LARGE1: variants seen among roughly 807,000 people sequenced by gnomAD.
The protein encoded by LARGE1 is LARGE xylosyl- and glucuronyltransferase 1.
In LARGE1, 43 loss-of-function variants were observed where a neutral mutation model predicts 87.6. The ratio of observed to expected loss-of-function variants is 0.49; its 90% confidence interval spans 0.38 to 0.63. LARGE1 has a LOEUF of 0.63. Among genes scored for constraint, LARGE1 ranks in the 30% least tolerant of loss-of-function variants. LARGE1 has a pLI of 0.00. For missense variants in LARGE1, 802 were observed against 1,000.2 expected, an observed-to-expected ratio of 0.80 and a Z score of 2.67; for synonymous variants, 434 against 394.6, an observed-to-expected ratio of 1.10 and a Z score of -1.18.
At position 33,671,936 on chromosome 22, in the gene LARGE1, A is replaced by C. The variant is rs150831441; in HGVS notation, c.107-21268T>G. ...AAGAATACTGACAATTCATCTCCTA[A>C]AACATTTTACATGAAGATGTTTTAC... On this transcript the variant is annotated intron_variant, in intron 2 of 14. Transcript: ENST00000397394. Among the ~76,000 whole-genome samples the C allele has an allele frequency of 1.9e-4, 29 of 152,268 alleles. No homozygotes were observed. The East Asian group carries it at 5.6e-3, about 29-fold the overall frequency.
At chr22:33,196,327 AT>A (rs993872450) in intron 11 of LARGE1, among the ~76,000 whole-genome samples, 1 of 152,162 alleles carries the variant, frequency 6.6e-6, no homozygotes, top group African/African-American at 2.4e-5. Context: ...ATCACTAAAG[AT>A]GCTGCAGACT....
intron 7 of LARGE1, among the ~76,000 whole-genome samples, chr22:33,411,005 T>C (rs919561753): frequency 1.3e-4 from 20 of 152,218 alleles, no homozygotes; most frequent in Non-Finnish European, 4.4e-5. Context: ...CCAGATTATT[T>C]TCCTTAAGTC....
At chr22:33,526,707 T>A (rs115970597) in intron 6 of LARGE1, among the ~76,000 whole-genome samples, 1 of 152,200 alleles carries the variant, frequency 6.6e-6, no homozygotes, top group Non-Finnish European at 1.5e-5. Context: ...CAGGGTAACT[T>A]TGATTTATTC....
chr22:33,244,275 A>G (rs1368599481), intron 11 of LARGE1, among the ~76,000 whole-genome samples: 7 of 151,992 alleles, frequency 4.6e-5, no homozygotes, highest in Non-Finnish European at 8.8e-5. Flanking sequence ...GATTACAGAC[A>G]TGAGCCACCG....
intron 2 of LARGE1, among the ~76,000 whole-genome samples, chr22:33,757,730 C>G (rs2145698781): frequency 6.6e-6 from 1 of 152,226 alleles, no homozygotes; most frequent in African/African-American, 2.4e-5. Context: ...GCAACTCTGC[C>G]CCTTATTTAT....
chr22:33,384,133 T>A lies in LARGE1; in HGVS notation c.1005+59A>T, dbSNP rs1024249623. The A allele has an allele frequency of 4.2e-6, 5 of 1,199,088 alleles. No individual in the cohort carries two copies. In the African/African-American group the frequency reaches 6.0e-5, roughly 14 times the overall value. 74.3% of individuals were successfully genotyped at this position (1,199,088 alleles called of 1,614,324 possible). A position where few individuals can be genotyped will look rare whatever the true frequency, so the allele number is the denominator to read the frequency against. ...CAGATCGATTTAATTTTAAGTTTCT[T>A]TGAGAAACAGCACCAAGCACACTCA... On this transcript the variant is annotated intron_variant, in intron 8 of 14. Coordinates refer to ENST00000397394, the MANE Select transcript of LARGE1 (RefSeq NM_133642.5).
chr22:33,678,222 G>T (rs576874507), intron 2 of LARGE1, among the ~76,000 whole-genome samples: 1 of 152,170 alleles, frequency 6.6e-6, no homozygotes. Flanking sequence ...TGTGGAAAGG[G>T]TTCTTATTTT....
intron 1 of LARGE1, among the ~76,000 whole-genome samples, chr22:33,909,523 T>G (rs200877151): frequency 1.3e-5 from 1 of 79,406 alleles, no homozygotes; most frequent in African/African-American, 6.2e-5. Context: ...TCTTCTTTTG[T>G]TTTTTTTTTT....
intron 1 of LARGE1, among the ~76,000 whole-genome samples, chr22:33,896,487 G>C (rs1235439610): frequency 6.6e-6 from 1 of 152,246 alleles, no homozygotes; most frequent in Non-Finnish European, 1.5e-5. Flanking sequence ...GGGCACATTT[G>C]AGGCCAAAGT....
chr22:33,891,733 T>C (rs982086860), intron 1 of LARGE1, among the ~76,000 whole-genome samples: 1 of 152,220 alleles, frequency 6.6e-6, no homozygotes, highest in Non-Finnish European at 1.5e-5. Flanking sequence ...CTGTAAATGT[T>C]GGCTATTATC....
chr22:33,838,343 T>C (rs191080615), intron 1 of LARGE1, among the ~76,000 whole-genome samples: 1 of 152,198 alleles, frequency 6.6e-6, no homozygotes, highest in East Asian at 1.9e-4. Flanking sequence ...TCAAAAAATG[T>C]GTTTTAAAAA....
At chr22:33,132,908 T>C in the LARGE1 span, among the ~76,000 whole-genome samples, 1 of 152,224 alleles carries the variant, frequency 6.6e-6, no homozygotes, top group Admixed American at 6.5e-5. Context: ...TTTTAGGCTC[T>C]GGTTATTGTG....
chr22:33,158,568 T>C (rs1236128529), downstream of LARGE1, among the ~76,000 whole-genome samples: 1 of 152,172 alleles, frequency 6.6e-6, no homozygotes, highest in Non-Finnish European at 1.5e-5. Context: ...TTTATTACAA[T>C]ACAAAAACTT....
At chr22:33,098,168 C>T in the LARGE1 span, among the ~76,000 whole-genome samples, 1 of 152,028 alleles carries the variant, frequency 6.6e-6, no homozygotes. Context: ...ATTAGCCGGG[C>T]ATGGTGGCAC....
At chr22:33,373,520 T>C (rs1443711321) in intron 9 of LARGE1, among the ~76,000 whole-genome samples, 1 of 152,196 alleles carries the variant, frequency 6.6e-6, no homozygotes, top group Non-Finnish European at 1.5e-5. Flanking sequence ...ACTTTTGCTA[T>C]ATCTTGCTGC....
At chr22:33,594,878 A>G (rs987197398) in intron 5 of LARGE1, among the ~76,000 whole-genome samples, 1 of 152,188 alleles carries the variant, frequency 6.6e-6, no homozygotes, top group Non-Finnish European at 1.5e-5. Context: ...AAGTGCTGGT[A>G]TTACAGGCTT....
At chr22:33,402,607 T>C (rs2065961568) in intron 7 of LARGE1, among the ~76,000 whole-genome samples, 1 of 152,202 alleles carries the variant, frequency 6.6e-6, no homozygotes. Context: ...TTCTGCAAAA[T>C]GGATATTCAT....
intron 6 of LARGE1, among the ~76,000 whole-genome samples, chr22:33,445,941 C>T (rs746202140): frequency 1.3e-5 from 2 of 152,160 alleles, no homozygotes; most frequent in African/African-American, 2.4e-5. Flanking sequence ...TGAGCCACTG[C>T]ACCCGGCCCT....
intron 6 of LARGE1, among the ~76,000 whole-genome samples, chr22:33,440,844 C>T (rs1312266845): frequency 2.0e-5 from 3 of 152,138 alleles, no homozygotes; most frequent in Admixed American, 2.0e-4. Flanking sequence ...AGCTCCAGCT[C>T]AAAGCACCCT....
Sources: gnomAD v4.1 joint callset for allele counts (sites outside exome capture counted in the v4.1 genomes callset) on GRCh38, gnomAD v4.1.1 for gene constraint, MANE v1.5 for transcripts, NCBI Gene and HGNC (gene_info 2026-07-23, HGNC 2026-07-21) for gene names.